The following PPP2R2B variants were observed in gnomAD, a reference collection of about 807,000 sequenced individuals.
PPP2R2B encodes serine/threonine-protein phosphatase 2A 55 kDa regulatory subunit B beta isoform.
Under a neutral mutation model 46.0 loss-of-function variants are expected in PPP2R2B, and 5 were observed. That is an observed-to-expected ratio of 0.11 (90% CI 0.06 to 0.23). PPP2R2B has a LOEUF of 0.23. Among genes scored for constraint, PPP2R2B ranks in the 10% least tolerant of loss-of-function variants. The pLI is 1.00. For missense variants in PPP2R2B, 367 were observed against 575.0 expected (o/e 0.64, Z 3.70); for synonymous variants, 215 against 206.7 (o/e 1.04, Z -0.34).
At chr5:146,912,886 T>A (rs1763243141) in intron 1 of PPP2R2B, among the ~76,000 whole-genome samples, 1 of 152,174 alleles carries the variant, frequency 6.6e-6, no homozygotes, top group Admixed American at 6.5e-5. Context: ...ATGTGTCAAG[T>A]ACTACCGTCA....
chr5:146,905,744 G>A (rs1438749921), intron 1 of PPP2R2B, among the ~76,000 whole-genome samples: 1 of 152,104 alleles, frequency 6.6e-6, no homozygotes. Flanking sequence ...CAAACAAAAG[G>A]CTAAGTGCAA....
intron 2 of PPP2R2B, among the ~76,000 whole-genome samples, chr5:147,065,974 A>T (rs1284284212): frequency 6.6e-6 from 1 of 152,052 alleles, no homozygotes; most frequent in Non-Finnish European, 1.5e-5. Flanking sequence ...GCTCAGAATA[A>T]CCTGATCAAG....
At chr5:146,897,548 T>A (rs551799556) in intron 1 of PPP2R2B, among the ~76,000 whole-genome samples, 6 of 152,324 alleles carry the variant, frequency 3.9e-5, no homozygotes, top group African/African-American at 1.4e-4. Flanking sequence ...CATATTCATT[T>A]GACAGTTCTA....
chr5:146,681,441 A>G (rs777993524), intron 5 of PPP2R2B, among the ~76,000 whole-genome samples: 35 of 152,160 alleles, frequency 2.3e-4, no homozygotes, highest in Admixed American at 5.9e-4. Context: ...AGACACACCC[A>G]TTGCTCTAGC....
chr5:146,722,020 T>C (rs936700857), intron 2 of PPP2R2B, among the ~76,000 whole-genome samples: 1 of 152,108 alleles, frequency 6.6e-6, no homozygotes, highest in South Asian at 2.1e-4. Flanking sequence ...AACCATAAGG[T>C]AGATGTCATT....
At chr5:146,707,100 C>T (rs1779911309) in intron 2 of PPP2R2B, 11 of 1,566,774 alleles carry the variant, frequency 7.0e-6, no homozygotes, top group Non-Finnish European at 9.6e-6. Context: ...AGTCCTCCAC[C>T]AGCCCCTGCG....
rs186711716 is a variant in PPP2R2B at position 146,903,646 on chromosome 5, C to T, written c.79+152019G>A. ...CTCCTGGGTTTAAGTAATCTGCCAC[C>T]CTTGGCTTCCCAAAGTGCTGGAATT... On this transcript the variant is annotated intron_variant, in intron 1 of 8. Coordinates refer to the PPP2R2B transcript ENST00000336640. 2.6e-4 allele frequency among the ~76,000 whole-genome samples: 40 copies of T among 152,194 alleles called. 1 individual carries two copies. In the East Asian group the frequency reaches 7.5e-3, roughly 29 times the overall value.
At chr5:147,054,114 A>G (rs774601055) in intron 1 of PPP2R2B, among the ~76,000 whole-genome samples, 2 of 152,250 alleles carry the variant, frequency 1.3e-5, no homozygotes, top group Non-Finnish European at 2.9e-5. Context: ...TTTAATTTTC[A>G]CAAACAACTT....
intron 8 of PPP2R2B, among the ~76,000 whole-genome samples, chr5:146,599,652 G>A (rs1469479925): frequency 6.6e-6 from 1 of 152,108 alleles, no homozygotes; most frequent in Non-Finnish European, 1.5e-5. Context: ...AACACACTGT[G>A]TTTTTAATTA....
chr5:146,911,534 C>T (rs1763183029), intron 1 of PPP2R2B, among the ~76,000 whole-genome samples: 2 of 152,160 alleles, frequency 1.3e-5, no homozygotes, highest in Admixed American at 1.3e-4. Flanking sequence ...ACCACAGTAG[C>T]CTGCAATCAG....
intron 6 of PPP2R2B, among the ~76,000 whole-genome samples, chr5:146,649,252 T>C (rs957876250): frequency 2.0e-4 from 30 of 152,124 alleles, no homozygotes; most frequent in African/African-American, 7.0e-4. Flanking sequence ...CCTAGGTCAA[T>C]TGTTCAGTTA....
intron 2 of PPP2R2B, among the ~76,000 whole-genome samples, chr5:146,761,527 G>A (rs1754163716): frequency 6.6e-6 from 1 of 152,028 alleles, no homozygotes; most frequent in Admixed American, 6.6e-5. Context: ...GGTGTGGGAA[G>A]TGGGGGGTGC....
intron 2 of PPP2R2B, among the ~76,000 whole-genome samples, chr5:146,757,832 T>C (rs954801110): frequency 6.6e-6 from 1 of 152,160 alleles, no homozygotes; most frequent in African/African-American, 2.4e-5. Context: ...TGCCCTGACA[T>C]CACCTTGGCT....
chr5:146,839,897 T>G (rs1759522176), intron 2 of PPP2R2B, among the ~76,000 whole-genome samples: 1 of 152,244 alleles, frequency 6.6e-6, no homozygotes, highest in Non-Finnish European at 1.5e-5. Flanking sequence ...TATTTTTACT[T>G]CCTTAGGGTA....
At chr5:146,976,471 C>A (rs1752911138) in intron 1 of PPP2R2B, among the ~76,000 whole-genome samples, 1 of 151,986 alleles carries the variant, frequency 6.6e-6, no homozygotes. Context: ...CCATTTAGGT[C>A]TTTGATTCAT....
At position 147,047,357 on chromosome 5, in the gene PPP2R2B, C is replaced by T. The variant is rs1005613047; in HGVS notation, c.79+8308G>A. ...TTGAGATGATGAATATGCTAATTAC[C>T]CTAATCTGGTCACTGTTCATGGTAG... is the stretch of plus-strand genomic sequence containing the variant. On this transcript the variant is annotated intron_variant, in intron 1 of 8. Transcript: ENST00000336640. 6.1e-4 allele frequency among the ~76,000 whole-genome samples: 93 copies of T among 151,994 alleles called. 1 individual carries two copies. Among genetic ancestry groups the T allele is most frequent in the African/African-American group, 2.2e-3 (93 of 41,462 alleles).
chr5:146,828,259 T>A (rs574620090), intron 2 of PPP2R2B, among the ~76,000 whole-genome samples: 160 of 151,492 alleles, frequency 1.1e-3, no homozygotes, highest in African/African-American at 3.6e-3. Context: ...TTTTACTTTT[T>A]TTAAAAAAAA....
intron 7 of PPP2R2B, among the ~76,000 whole-genome samples, chr5:146,620,385 A>ATATT (rs1491441686): frequency 4.7e-4 from 71 of 152,260 alleles, no homozygotes; most frequent in African/African-American, 1.7e-3. Flanking sequence ...TTCTGGAAAG[A>ATATT]TATTGATTGA....
At chr5:146,688,846 A>C (rs756728220) in intron 5 of PPP2R2B, among the ~76,000 whole-genome samples, 5 of 152,172 alleles carry the variant, frequency 3.3e-5, no homozygotes, top group African/African-American at 4.8e-5. Flanking sequence ...CATAGCAAAC[A>C]AGGGCAAGGT....
Sources: allele counts gnomAD v4.1 joint callset (sites outside exome capture counted in the v4.1 genomes callset), GRCh38; gene constraint gnomAD v4.1.1; transcripts MANE v1.5; gene names NCBI Gene and HGNC (gene_info 2026-07-23, HGNC 2026-07-21).